TMEM236: variants seen among roughly 807,000 people sequenced by gnomAD.
The protein encoded by TMEM236 is transmembrane protein 236.
In TMEM236, 11 loss-of-function variants were observed where a neutral mutation model predicts 14.7. The ratio of observed to expected loss-of-function variants is 0.75; its 90% CI spans 0.47 to 1.24. TMEM236 has a LOEUF of 1.24. Ranked by LOEUF, TMEM236 falls within the 50% of genes most tolerant of loss-of-function variation. TMEM236 has a pLI of 0.00. For missense variants in TMEM236, 464 were observed against 427.3 expected (o/e 1.09, Z -0.76); for synonymous variants, 182 against 168.6 (o/e 1.08, Z -0.62).
At chr10:17,758,590 A>G (rs1354528509) in intron 1 of TMEM236, among the ~76,000 whole-genome samples, 1 of 152,238 alleles carries the variant, frequency 6.6e-6, no homozygotes, top group African/African-American at 2.4e-5. Context: ...TCATGCGTGT[A>G]AAGTTCCTAG....
In TMEM236 at chr10:17,776,177, G is replaced by T. The variant is rs1024690114; in HGVS notation, c.472+7G>T. 4.6e-5 allele frequency: 74 copies of T among 1,608,708 alleles called. No homozygotes were observed. The highest frequency in any genetic ancestry group is 3.3e-4 in the Middle Eastern group (2 of 6,070). The stretch of plus-strand genomic sequence containing the variant: ...CTTAGAGGGAGTCAAAAGAGTAAGT[G>T]TTCTTTTAAATGTGAATATTTTTTA... On this transcript the variant is annotated splice_region_variant and intron_variant, in intron 3 of 3. Coordinates refer to ENST00000377495, the MANE Select transcript of TMEM236 (RefSeq NM_001098844.3).
At chr10:17,775,575 T>C (rs1837646396) in intron 2 of TMEM236, among the ~76,000 whole-genome samples, 1 of 152,230 alleles carries the variant, frequency 6.6e-6, no homozygotes, top group Admixed American at 6.5e-5. Flanking sequence ...CACCTGGCCT[T>C]GCCGTAGCTT....
rs1342245326 is a variant in TMEM236, at chr10:17,798,539, A to G, written c.*2035A>G. 1 of 534,278 alleles carries G rather than the reference A, an allele frequency of 1.9e-6. No individual in the cohort carries two copies. Among genetic ancestry groups the G allele is most frequent in the African/African-American group, 1.9e-5 (1 of 51,926 alleles). The allele number at this position is 534,278 out of a possible 1,614,324, so 33.1% of individuals were successfully genotyped here. ...GGGCAACAGAGTGACACCCATCTAA[A>G]AAAAATAAAAGAGAATTTGACGTTG... is the stretch of plus-strand genomic sequence containing the variant. On this transcript the variant is annotated 3_prime_UTR_variant, in exon 4 of 4. Transcript: ENST00000377495.
At chr10:17,783,822 T>G (rs1442959088) in intron 3 of TMEM236, among the ~76,000 whole-genome samples, 1 of 152,212 alleles carries the variant, frequency 6.6e-6, no homozygotes, top group African/African-American at 2.4e-5. Flanking sequence ...GTAGTTGTAG[T>G]TGTGTTTGCC....
chr10:17,777,125 T>C (rs893134021), intron 3 of TMEM236, among the ~76,000 whole-genome samples: 9 of 152,194 alleles, frequency 5.9e-5, no homozygotes, highest in Admixed American at 3.9e-4. Flanking sequence ...GTCAGTCATT[T>C]ATGGGTCAGA....
intron 3 of TMEM236, 146 bp from the exon 4 acceptor site, chr10:17,795,775 C>A: frequency 1.0e-6 from 1 of 954,372 alleles, no homozygotes; most frequent in African/African-American, 1.7e-5. Flanking sequence ...TATCCTGGAA[C>A]TTAAAATAAA....
intron 3 of TMEM236, among the ~76,000 whole-genome samples, chr10:17,783,890 C>A (rs934608785): frequency 1.3e-5 from 2 of 151,934 alleles, no homozygotes; most frequent in Non-Finnish European, 2.9e-5. Context: ...ATATTTAGGT[C>A]TTTGATCTGT....
At chr10:17,757,937 T>A (rs990515177) in intron 1 of TMEM236, among the ~76,000 whole-genome samples, 4 of 151,990 alleles carry the variant, frequency 2.6e-5, no homozygotes, top group African/African-American at 4.8e-5. Context: ...CCTGGCTAAT[T>A]TTTTTATTTT....
intron 3 of TMEM236, among the ~76,000 whole-genome samples, chr10:17,783,258 A>G (rs1837783546): frequency 6.6e-6 from 1 of 152,166 alleles, no homozygotes; most frequent in Non-Finnish European, 1.5e-5. Flanking sequence ...GGGACTGGTT[A>G]CACAGGCTGG....
intron 3 of TMEM236, among the ~76,000 whole-genome samples, chr10:17,782,184 G>C (rs893288529): frequency 2.6e-5 from 4 of 152,044 alleles, no homozygotes; most frequent in African/African-American, 9.7e-5. Context: ...CAACACCTTT[G>C]AAAAACAGAT....
chr10:17,768,766 T>TGC (rs1837518819), intron 1 of TMEM236, among the ~76,000 whole-genome samples: 1 of 151,030 alleles, frequency 6.6e-6, no homozygotes, highest in Non-Finnish European at 1.5e-5. Flanking sequence ...TGTGTGCCTG[T>TGC]ATGTGTTTCC....
Position 17,799,019 on chromosome 10 carries a change from T to C in TMEM236, c.*2515T>C, listed in dbSNP as rs919901666. 3 of 269,370 alleles carry C rather than the reference T, an allele frequency of 1.1e-5. No individual in the cohort carries two copies. Among genetic ancestry groups the C allele is most frequent in the African/African-American group, 2.3e-5 (1 of 44,430 alleles). The allele number at this position is 269,370 out of a possible 1,614,324, so 16.7% of individuals were successfully genotyped here. On this transcript the variant is annotated 3_prime_UTR_variant, in exon 4 of 4. Coordinates refer to ENST00000377495, the MANE Select transcript of TMEM236 (RefSeq NM_001098844.3). ...ACAATCTTAAGGTTACTTCAGACTA[T>C]ACTTTTTCATCGAGGAGTATTGTAT...
rs1837653158 is a variant in TMEM236 at position 17,776,029 on chromosome 10, G to T, written c.331G>T (p.Val111Phe). 1 of 1,613,788 alleles carries T rather than the reference G, an allele frequency of 6.2e-7. No individual in the cohort carries two copies. Among genetic ancestry groups the T allele is most frequent in the Non-Finnish European group, 8.5e-7 (1 of 1,179,816 alleles). ...CTTGTAAATGGTTTTCTCTAAACAGGTTCAAAAGAGCATTAATGGGTCCGC... is the reference window on the plus strand; with the variant it reads ...CTTGTAAATGGTTTTCTCTAAACAGTTTCAAAAGAGCATTAATGGGTCCGC... Reference protein sequence around the residue: ...CLTFSIAVTEVQKSINGSADV... With the variant: ...CLTFSIAVTEFQKSINGSADV... Residue 111 changes from valine (V) to phenylalanine (F), a missense_variant and splice_region_variant, in exon 3 of 4, where the codon GTT becomes TTT. Physicochemically the swap from Val to Phe is conservative, Grantham distance 50. Transcript: ENST00000377495.
intron 1 of TMEM236, among the ~76,000 whole-genome samples, chr10:17,768,086 G>GTT (rs879036347): frequency 0.027 from 2,437 of 91,492 alleles, 131 homozygotes; most frequent in African/African-American, 0.087. Context: ...AATTTTTGTG[G>GTT]TTTTTTTTTT....
At chr10:17,787,106 C>T (rs897331928) in intron 3 of TMEM236, among the ~76,000 whole-genome samples, 1 of 152,300 alleles carries the variant, frequency 6.6e-6, no homozygotes, top group Non-Finnish European at 1.5e-5. Context: ...AGCATGAAAA[C>T]GGACTAATAC....
At chr10:17,795,835 T>C in intron 3 of TMEM236, 86 bp from the exon 4 acceptor site, 3 of 1,351,286 alleles carry the variant, frequency 2.2e-6, no homozygotes, top group Non-Finnish European at 3.1e-6. Flanking sequence ...ATTCCACCTT[T>C]AAATGGAATT....
chr10:17,768,059 C>G (rs1554834467), intron 1 of TMEM236, among the ~76,000 whole-genome samples: 1 of 145,738 alleles, frequency 6.9e-6, no homozygotes, highest in Admixed American at 6.8e-5. Context: ...TACAGGTACA[C>G]ACCACCACAC....
At chr10:17,787,017 G>A (rs1405576811) in intron 3 of TMEM236, among the ~76,000 whole-genome samples, 1 of 152,176 alleles carries the variant, frequency 6.6e-6, no homozygotes, top group African/African-American at 2.4e-5. Context: ...CCATGATTGT[G>A]AGACCTCCCC....
At chr10:17,768,206 G>C (rs1203079582) in intron 1 of TMEM236, among the ~76,000 whole-genome samples, 1 of 150,006 alleles carries the variant, frequency 6.7e-6, no homozygotes, top group East Asian at 2.0e-4. Context: ...GGAATTACAG[G>C]CATGAGCCAC....
Sources: gnomAD v4.1 joint callset for allele counts (sites outside exome capture counted in the v4.1 genomes callset) on GRCh38, gnomAD v4.1.1 for gene constraint, MANE v1.5 for transcripts, NCBI Gene and HGNC (gene_info 2026-07-23, HGNC 2026-07-21) for gene names.